TENM3: variants seen among roughly 807,000 people sequenced by gnomAD.
The protein encoded by TENM3 is teneurin transmembrane protein 3.
A neutral mutation model predicts 255.1 loss-of-function variants in TENM3; 63 were observed. The ratio of observed to expected loss-of-function variants is 0.25; its 90% confidence interval spans 0.20 to 0.30. The LOEUF is 0.30. Among genes scored for constraint, TENM3 ranks in the 10% least tolerant of loss-of-function variants. The pLI is 1.00. For synonymous variants in TENM3, 1,306 were observed against 1,322.3 expected, an observed-to-expected ratio of 0.99 and a Z score of 0.27; for missense variants, 2,929 against 3,461.1, an observed-to-expected ratio of 0.85 and a Z score of 3.86.
intron 2 of TENM3, among the ~76,000 whole-genome samples, chr4:182,341,717 G>A (rs919144166): frequency 2.6e-5 from 4 of 151,966 alleles, no homozygotes; most frequent in African/African-American, 9.7e-5. Context: ...TAGTTCCAAA[G>A]GTAGATTTCC....
At chr4:181,568,630 C>A in the TENM3 span, among the ~76,000 whole-genome samples, 1 of 152,312 alleles carries the variant, frequency 6.6e-6, no homozygotes, top group South Asian at 2.1e-4. Flanking sequence ...TTTATTCCCC[C>A]TGGAACTGTC....
the TENM3 span, among the ~76,000 whole-genome samples, chr4:181,676,488 A>G: frequency 6.6e-6 from 1 of 152,072 alleles, no homozygotes; most frequent in African/African-American, 2.4e-5. Context: ...TAGTGGGTAT[A>G]GTACTGGACA....
chr4:181,552,681 A>T, the TENM3 span, among the ~76,000 whole-genome samples: 43,591 of 152,044 alleles, frequency 0.29, 6,528 homozygotes, highest in Middle Eastern at 0.39. Flanking sequence ...CTTTATTATT[A>T]TGTTCTTCTG....
At chr4:182,516,243 T>A (rs183470956) in intron 3 of TENM3, among the ~76,000 whole-genome samples, 2 of 152,224 alleles carry the variant, frequency 1.3e-5, no homozygotes, top group Admixed American at 1.3e-4. Context: ...CATCTTTAAA[T>A]TGAATGGGAA....
chr4:181,591,427 T>G, the TENM3 span, among the ~76,000 whole-genome samples: 140 of 152,342 alleles, frequency 9.2e-4, 1 homozygote, highest in African/African-American at 3.3e-3. Context: ...TGTACGTGAA[T>G]GTTCATAGCA....
rs745491895 is a variant in TENM3 at position 182,731,090 on chromosome 4, C to T, written c.2918C>T (p.Thr973Ile). 6.2e-7 allele frequency: 1 copy of T among 1,613,906 alleles called. No homozygotes were observed. The highest frequency in any genetic ancestry group is 1.1e-5 in the South Asian group (1 of 91,078). ...ATCATTGTGTCATCACCTTTATCCACCTTTTTCAGATCTTCTCCTGAAGAC... is the reference window on the plus strand; with the variant it reads ...ATCATTGTGTCATCACCTTTATCCATCTTTTTCAGATCTTCTCCTGAAGAC... ...NPIIVSSPLS[T>I]FFRSSPEDSP... Residue 973 changes from threonine to isoleucine, a missense_variant, in exon 16 of 28, where the codon ACC (threonine) becomes ATC (isoleucine). Physicochemically the swap from Thr to Ile is moderately conservative, Grantham distance 89. Around this residue, in one of 6 missense-constraint regions of TENM3, gnomAD observed 1,608 missense variants for 1,884.4 expected, o/e 0.85. Transcript: ENST00000511685.
At chr4:182,046,670 C>A in the TENM3 span, among the ~76,000 whole-genome samples, 1 of 152,040 alleles carries the variant, frequency 6.6e-6, no homozygotes, top group East Asian at 1.9e-4. Context: ...GTCAAGGCTG[C>A]AGTGAGCCAT....
chr4:181,556,746 T>G, the TENM3 span, among the ~76,000 whole-genome samples: 1 of 152,224 alleles, frequency 6.6e-6, no homozygotes, highest in East Asian at 1.9e-4. Flanking sequence ...TCATCTGTTA[T>G]TCTTTCCTCA....
the TENM3 span, among the ~76,000 whole-genome samples, chr4:181,484,790 G>A: frequency 6.6e-6 from 1 of 152,086 alleles, no homozygotes; most frequent in South Asian, 2.1e-4. Context: ...AAAAGGATAA[G>A]GGAAAGAGGC....
intron 13 of TENM3, among the ~76,000 whole-genome samples, chr4:182,722,121 C>T (rs939626559): frequency 6.6e-6 from 1 of 152,088 alleles, no homozygotes; most frequent in African/African-American, 2.4e-5. Context: ...TAAGTAGAGC[C>T]TTTCTGAGAT....
chr4:182,774,852 C>T (rs557772127), intron 23 of TENM3, 66 bp from the exon 24 acceptor site: 125 of 1,184,174 alleles, frequency 1.1e-4, no homozygotes, highest in Admixed American at 3.3e-4. Context: ...ACCTATCTCA[C>T]GGCACAACCG....
intron 1 of TENM3, among the ~76,000 whole-genome samples, chr4:182,273,212 C>T (rs1268289748): frequency 2.0e-5 from 3 of 152,200 alleles, no homozygotes; most frequent in African/African-American, 2.4e-5. Flanking sequence ...GTCGATCCCC[C>T]GACAGCCCTG....
intron 3 of TENM3, among the ~76,000 whole-genome samples, chr4:182,358,930 G>A (rs948080925): frequency 2.0e-5 from 3 of 151,922 alleles, no homozygotes; most frequent in South Asian, 2.1e-4. Context: ...TAGCGTGAAG[G>A]GTTGTTGAAT....
chr4:182,483,564 C>T (rs1734406888), intron 3 of TENM3, among the ~76,000 whole-genome samples: 1 of 152,034 alleles, frequency 6.6e-6, no homozygotes, highest in African/African-American at 2.4e-5. Context: ...ATGTGTGATC[C>T]CATATATCTC....
At chr4:182,712,123 A>G (rs1311031640) in intron 12 of TENM3, among the ~76,000 whole-genome samples, 2 of 152,226 alleles carry the variant, frequency 1.3e-5, no homozygotes, top group African/African-American at 4.8e-5. Flanking sequence ...GTGTTTTGTT[A>G]TTTTTTAAAA....
chr4:182,699,458 A>G (rs913551367), intron 12 of TENM3, among the ~76,000 whole-genome samples: 1 of 152,224 alleles, frequency 6.6e-6, no homozygotes, highest in African/African-American at 2.4e-5. Context: ...TTAAGTCTCA[A>G]AACAGTTTAC....
rs373044151 is a variant in TENM3, at chr4:182,723,281, G to T, written c.2369-5684G>T. Among the ~76,000 whole-genome samples the T allele has an allele frequency of 5.9e-5, 9 of 152,246 alleles. No individual in the cohort carries two copies. The East Asian group carries it at 1.5e-3, about 26-fold the overall frequency. ...CAGAAATGAATGCATATTTCAGTTT[G>T]TTTCATGCATATTACAGAATGTGAC... On this transcript the variant is annotated intron_variant, in intron 13 of 27. Transcript: ENST00000511685.
At chr4:182,715,421 A>C (rs1422418800) in intron 13 of TENM3, among the ~76,000 whole-genome samples, 1 of 152,204 alleles carries the variant, frequency 6.6e-6, no homozygotes, top group Non-Finnish European at 1.5e-5. Context: ...ATGTGACCTC[A>C]GACAAAATCT....
chr4:182,341,072 AC>A (rs1386002551), intron 2 of TENM3, among the ~76,000 whole-genome samples: 15 of 152,206 alleles, frequency 9.9e-5, no homozygotes, highest in African/African-American at 3.6e-4. Flanking sequence ...CATGTATCTT[AC>A]AAAGTTTCAT....
Sources: gnomAD v4.1 joint callset for allele counts (sites outside exome capture counted in the v4.1 genomes callset) on GRCh38, gnomAD v4.1.1 for gene constraint, gnomAD v4.1.1 regional missense constraint, MANE v1.5 for transcripts, NCBI Gene and HGNC (gene_info 2026-07-23, HGNC 2026-07-21) for gene names.